Variants in ZNF264 observed in about 807,000 individuals in gnomAD.
ZNF264 encodes the protein zinc finger protein 264.
Under a neutral mutation model 11.2 loss-of-function variants are expected in ZNF264, and 11 were observed. The observed-to-expected ratio is 0.98, with a 90% confidence interval of 0.62 to 1.63. ZNF264 has a LOEUF of 1.63. Ranked by LOEUF, ZNF264 falls within the 40% of genes most tolerant of loss-of-function variation. ZNF264 has a pLI of 0.00. For synonymous variants in ZNF264, 309 were observed against 279.8 expected, an observed-to-expected ratio of 1.10 and a Z score of -1.04; for missense variants, 752 against 768.1, an observed-to-expected ratio of 0.98 and a Z score of 0.25.
chr19:57,198,514 G>A (rs1036878431), intron 2 of ZNF264, among the ~76,000 whole-genome samples: 6 of 151,894 alleles, frequency 4.0e-5, no homozygotes, highest in Non-Finnish European at 5.9e-5. Context: ...AGCCAGTGTG[G>A]GGGTTCTGCC....
rs748393151 is a variant in ZNF264, at chr19:57,191,965, C to A, written c.33+19C>A. The A allele has an allele frequency of 1.3e-6, 2 of 1,525,858 alleles. No individual in the cohort carries two copies. The highest frequency in any genetic ancestry group is 1.8e-6 in the Non-Finnish European group (2 of 1,135,500). 94.5% of individuals were successfully genotyped at this position (1,525,858 alleles called of 1,614,324 possible). A position where few individuals can be genotyped will look rare whatever the true frequency, so the allele number is the denominator to read the frequency against. On this transcript the variant is annotated intron_variant, in intron 1 of 3. Transcript: ENST00000263095. ...GGCCCAGGTGAGTGGACGGTGGCTT[C>A]GCGGTTGCCGCTTCCTTGCCAGCGC...
At chr19:57,192,113 T>G (rs2087178060) in intron 1 of ZNF264, among the ~76,000 whole-genome samples, 167 bp downstream of exon 1, 1 of 152,092 alleles carries the variant, frequency 6.6e-6, no homozygotes, top group Admixed American at 6.5e-5. Context: ...TAAGGAGTGT[T>G]GGGCCTACTG....
rs1004964828 is a variant in ZNF264, at chr19:57,219,344, T to C, written c.*6363T>C. ...AACTTGTCTCTGATAACCAGATTTT[T>C]CCCCCATAATCTGTATCTGTATTCA... On this transcript the variant is annotated 3_prime_UTR_variant, in exon 4 of 4. Transcript: ENST00000263095. 3 of 152,246 alleles carry C rather than the reference T, an allele frequency of 2.0e-5. No individual in the cohort carries two copies. Among genetic ancestry groups the C allele is most frequent in the African/African-American group, 4.8e-5 (2 of 41,552 alleles). The allele number at this position is 152,246 out of a possible 1,614,324, so 9.4% of individuals were successfully genotyped here.
At chr19:57,192,019 C>T (rs1815809243) in intron 1 of ZNF264, 73 bp downstream of exon 1, 7 of 1,360,690 alleles carry the variant, frequency 5.1e-6, no homozygotes, top group Non-Finnish European at 6.8e-6. Flanking sequence ...GGGTGGGAGC[C>T]CAGGTATCCC....
At position 57,222,492 on chromosome 19, in the gene ZNF264, A is replaced by C. The variant is rs1211066899; in HGVS notation, c.*9511A>C. On this transcript the variant is annotated 3_prime_UTR_variant, in exon 4 of 4. Transcript: ENST00000263095. ...GAGAGAGTCTTTCAAGAAAGGACCT[A>C]GTCTGCTCGCGTTCTCTCTCTCTCT... 5 of 145,120 alleles carry C rather than the reference A, an allele frequency of 3.4e-5. No homozygotes were observed. The East Asian group carries it at 5.9e-4, about 17-fold the overall frequency. 9.0% of individuals were successfully genotyped at this position (145,120 alleles called of 1,614,324 possible).
chr19:57,196,568 G>A (rs986018155), intron 2 of ZNF264, among the ~76,000 whole-genome samples: 5 of 152,006 alleles, frequency 3.3e-5, no homozygotes, highest in Non-Finnish European at 5.9e-5. Context: ...GAGCCCATGC[G>A]CAACCTCCAT....
Position 57,212,079 on chromosome 19 carries a change from C to T in ZNF264, c.982C>T (p.Pro328Ser), listed in dbSNP as rs776257643. 8 of 1,613,968 alleles carry T rather than the reference C, an allele frequency of 5.0e-6. No homozygotes were observed. In the Admixed American group the frequency reaches 1.2e-4, roughly 24 times the overall value. ...TECGQVFRHR[P>S]GFLRHYVVHS... ...ATGTGGCCAAGTCTTTCGACATAGG[C>T]CAGGCTTTCTCCGGCACTATGTTGT... The change falls in exon 4 of 4, where the codon CCA becomes TCA. Residue 328 changes from proline to serine, a missense_variant. Coordinates refer to ENST00000263095, the MANE Select transcript of ZNF264 (RefSeq NM_003417.5).
Position 57,211,952 on chromosome 19 carries a change from G to A in ZNF264, c.855G>A (p.Lys285=), listed in dbSNP as rs372708924. ...TQHQRIHSGE[K]PYKCNECGKA... The stretch of plus-strand genomic sequence containing the variant: ...ACCAGCGGATTCACAGTGGAGAGAA[G>A]CCTTACAAGTGCAATGAATGCGGAA... The change falls in exon 4 of 4, where the codon AAG becomes AAA. Residue 285 remains lysine (K), a synonymous_variant. Transcript: ENST00000263095. The A allele has an allele frequency of 4.3e-6, 7 of 1,613,944 alleles. No individual in the cohort carries two copies. The South Asian group carries it at 5.5e-5, about 13-fold the overall frequency.
intron 1 of ZNF264, 58 bp downstream of exon 1, chr19:57,192,004 G>A (rs2087177068): frequency 1.4e-6 from 2 of 1,439,616 alleles, no homozygotes; most frequent in Non-Finnish European, 1.8e-6. Flanking sequence ...GGCGGTTTCC[G>A]AAGTGGGTGG....
At chr19:57,200,545 T>C (rs1193371296) in intron 2 of ZNF264, among the ~76,000 whole-genome samples, 1 of 88,652 alleles carries the variant, frequency 1.1e-5, no homozygotes, top group Non-Finnish European at 2.2e-5. Flanking sequence ...GTCTCTTGTC[T>C]CTTGTGTCTT....
chr19:57,207,365 A>G (rs1324785342), intron 3 of ZNF264, among the ~76,000 whole-genome samples: 1 of 151,996 alleles, frequency 6.6e-6, no homozygotes, highest in African/African-American at 2.4e-5. Context: ...CAGCCCTTAC[A>G]TGTTCATCTC....
rs1419528440 is a variant in ZNF264, at chr19:57,219,802, T to G, written c.*6821T>G. On this transcript the variant is annotated 3_prime_UTR_variant, in exon 4 of 4. Coordinates refer to ENST00000263095, the MANE Select transcript of ZNF264 (RefSeq NM_003417.5). ...ATTTCCCAAATCTATGTCTCCAGAC[T>G]GGATGTTTCTCACGTCTGTGGCCCA... 6.6e-6 allele frequency: 1 copy of G among 152,288 alleles called. No homozygotes were observed. The highest frequency in any genetic ancestry group is 6.5e-5 in the Admixed American group (1 of 15,294). The allele number at this position is 152,288 out of a possible 1,614,324, so 9.4% of individuals were successfully genotyped here.
rs555228719 is a variant in ZNF264, at chr19:57,219,506, C to G, written c.*6525C>G. Reference sequence around the variant, plus strand: ...TCCTCGCCCCTTCTCATTTCCCTCACTCCACGGACAGCTACAGGAGGGCTT... The same window carrying G: ...TCCTCGCCCCTTCTCATTTCCCTCAGTCCACGGACAGCTACAGGAGGGCTT... On this transcript the variant is annotated 3_prime_UTR_variant, in exon 4 of 4. Coordinates refer to ENST00000263095, the MANE Select transcript of ZNF264 (RefSeq NM_003417.5). The G allele has an allele frequency of 3.3e-5, 5 of 152,450 alleles. No homozygotes were observed. The East Asian group carries it at 7.7e-4, about 24-fold the overall frequency. 9.4% of individuals were successfully genotyped at this position (152,450 alleles called of 1,614,324 possible). A position where few individuals can be genotyped will look rare whatever the true frequency, so the allele number is the denominator to read the frequency against.
intron 3 of ZNF264, among the ~76,000 whole-genome samples, chr19:57,207,892 T>C (rs916165398): frequency 4.6e-5 from 7 of 151,990 alleles, no homozygotes; most frequent in Admixed American, 6.6e-5. Context: ...ACGCCCGGCT[T>C]TTTTTGTATT....
Position 57,213,479 on chromosome 19 carries a change from AC to A in ZNF264, c.*499del, listed in dbSNP as rs1315255677. On this transcript the variant is annotated 3_prime_UTR_variant, in exon 4 of 4. Transcript: ENST00000263095. ...AGGGGGCTTGAGCCATGAAATACTC[AC>A]GTTTAAGTCAGTAAGGATACACATG... is the stretch of plus-strand genomic sequence containing the variant. 1 of 154,418 alleles carries A rather than the reference AC, an allele frequency of 6.5e-6. No homozygotes were observed. The highest frequency in any genetic ancestry group is 1.4e-5 in the Non-Finnish European group (1 of 69,516). The allele number at this position is 154,418 out of a possible 1,614,324, so 9.6% of individuals were successfully genotyped here. A position where few individuals can be genotyped will look rare whatever the true frequency, so the allele number is the denominator to read the frequency against.
chr19:57,202,276 G>A (rs1018800363), intron 2 of ZNF264, among the ~76,000 whole-genome samples: 1 of 151,798 alleles, frequency 6.6e-6, no homozygotes, highest in South Asian at 2.1e-4. Context: ...GACACAGAGA[G>A]GTTAATAACA....
intron 2 of ZNF264, among the ~76,000 whole-genome samples, chr19:57,204,998 TC>T (rs1335075996): frequency 6.6e-6 from 1 of 152,000 alleles, no homozygotes; most frequent in Non-Finnish European, 1.5e-5. Context: ...GATGTGGACT[TC>T]CTGGGGATGC....
intron 2 of ZNF264, among the ~76,000 whole-genome samples, chr19:57,204,157 A>C (rs1053007207): frequency 4.7e-5 from 7 of 149,486 alleles, no homozygotes; most frequent in South Asian, 2.2e-4. Flanking sequence ...CGGAGCTTGC[A>C]GTGAGCCGAG....
At chr19:57,206,094 C>T (rs1036779765) in intron 3 of ZNF264, among the ~76,000 whole-genome samples, 2 of 152,164 alleles carry the variant, frequency 1.3e-5, no homozygotes, top group South Asian at 2.1e-4. Context: ...CAACTCCCCT[C>T]ACATTCCACC....
Sources: gnomAD v4.1 joint callset for allele counts (sites outside exome capture counted in the v4.1 genomes callset) on GRCh38, gnomAD v4.1.1 for gene constraint, MANE v1.5 for transcripts, NCBI Gene and HGNC (gene_info 2026-07-23, HGNC 2026-07-21) for gene names.